The following SYT14 variants were observed in gnomAD, a reference collection of about 807,000 sequenced individuals.
SYT14 encodes the protein synaptotagmin-14.
SYT14 carries 32 observed loss-of-function variants against 74.2 expected under a neutral mutation model. The ratio of observed to expected loss-of-function variants is 0.43; its 90% CI spans 0.33 to 0.58. The LOEUF (loss-of-function observed/expected upper bound fraction) is 0.58, where lower values mean the gene tolerates loss of function less well. Ranked by LOEUF, SYT14 falls within the 20% of genes least tolerant of loss-of-function variation. The pLI is 0.05. For synonymous variants in SYT14, 298 were observed against 337.7 expected, an observed-to-expected ratio of 0.88 and a Z score of 1.29; for missense variants, 791 against 981.8, an observed-to-expected ratio of 0.81 and a Z score of 2.60.
chr1:210,052,150 A>G (rs1279369162), intron 5 of SYT14, among the ~76,000 whole-genome samples: 1 of 152,106 alleles, frequency 6.6e-6, no homozygotes, highest in Non-Finnish European at 1.5e-5. Context: ...TTTGGATTCT[A>G]ATTATAGAAT....
At chr1:210,140,359 C>T (rs2082889547) in intron 7 of SYT14, among the ~76,000 whole-genome samples, 1 of 151,918 alleles carries the variant, frequency 6.6e-6, no homozygotes, top group Non-Finnish European at 1.5e-5. Flanking sequence ...AATCCTTTGC[C>T]TTTGTCTCTT....
In SYT14 at chr1:210,155,913, G is replaced by A; in HGVS notation, c.2224+3G>A. 1 of 1,613,938 alleles carries A rather than the reference G, an allele frequency of 6.2e-7. No homozygotes were observed. The highest frequency in any genetic ancestry group is 1.1e-5 in the South Asian group (1 of 91,062). ...TTTGGCAGCAAACAGACCACCCAGT[G>A]AGTGAAAAATAATTTTTTTAATTCT... On this transcript the variant is annotated splice_donor_region_variant and intron_variant, in intron 8 of 9. Transcript: ENST00000637265.
intron 2 of SYT14, among the ~76,000 whole-genome samples, 196 bp from the exon 3 acceptor site, chr1:210,013,437 G>A (rs2080123892): frequency 6.6e-6 from 1 of 152,162 alleles, no homozygotes; most frequent in Non-Finnish European, 1.5e-5. Flanking sequence ...TTGAATGAAT[G>A]CTGCTGAATG....
At chr1:209,963,972 A>AT (rs2079114876) in intron 2 of SYT14, among the ~76,000 whole-genome samples, 1 of 152,124 alleles carries the variant, frequency 6.6e-6, no homozygotes, top group African/African-American at 2.4e-5. Flanking sequence ...TTCCCTGACA[A>AT]TTTGCAATAC....
At chr1:210,150,040 C>G (rs1450544075) in intron 7 of SYT14, among the ~76,000 whole-genome samples, 1 of 152,136 alleles carries the variant, frequency 6.6e-6, no homozygotes, top group Admixed American at 6.5e-5. Context: ...TATGCTGAAG[C>G]GGACTTTATT....
chr1:210,003,608 C>T (rs1353900882), intron 2 of SYT14, among the ~76,000 whole-genome samples: 1 of 151,924 alleles, frequency 6.6e-6, no homozygotes, highest in Admixed American at 6.6e-5. Context: ...CCCTCTAGGC[C>T]CTGAAAAAAG....
intron 7 of SYT14, among the ~76,000 whole-genome samples, chr1:210,138,642 T>A (rs762120211): frequency 2.0e-5 from 3 of 152,212 alleles, no homozygotes; most frequent in Non-Finnish European, 2.9e-5. Flanking sequence ...TAATACTAAA[T>A]TCATACATCA....
intron 5 of SYT14, among the ~76,000 whole-genome samples, chr1:210,049,004 C>G (rs2080938466): frequency 6.6e-6 from 1 of 152,234 alleles, no homozygotes; most frequent in Admixed American, 6.5e-5. Flanking sequence ...CTCCATGTCT[C>G]GCATCTGGGT....
At chr1:209,989,705 A>G (rs1466937529) in intron 2 of SYT14, among the ~76,000 whole-genome samples, 1 of 152,134 alleles carries the variant, frequency 6.6e-6, no homozygotes, top group African/African-American at 2.4e-5. Flanking sequence ...CTTTTTGAGC[A>G]TGTCAGGGGA....
chr1:209,978,341 T>G, intron 2 of SYT14, among the ~76,000 whole-genome samples: 1 of 152,220 alleles, frequency 6.6e-6, no homozygotes, highest in African/African-American at 2.4e-5. Context: ...TGGTTTTATC[T>G]ACCTTTGGTC....
chr1:209,941,620 C>G (rs1389691099), intron 1 of SYT14, among the ~76,000 whole-genome samples: 1 of 152,134 alleles, frequency 6.6e-6, no homozygotes, highest in East Asian at 1.9e-4. Flanking sequence ...CATTCTTGAC[C>G]CTGTTGCCAT....
chr1:210,016,869 C>T (rs560609539), exon 4 of SYT14: 7 of 1,231,692 alleles, frequency 5.7e-6, no homozygotes, highest in African/African-American at 4.7e-5. Context: ...GATATTTTGA[C>T]AAGCAATAGG....
intron 2 of SYT14, among the ~76,000 whole-genome samples, chr1:209,981,555 G>T (rs1461844267): frequency 6.8e-6 from 1 of 146,606 alleles, no homozygotes; most frequent in Non-Finnish European, 1.5e-5. Context: ...TGCTTAGGCA[G>T]TCCTCCCACC....
intron 1 of SYT14, among the ~76,000 whole-genome samples, chr1:209,939,864 GT>G (rs1433608615): frequency 2.0e-5 from 3 of 152,102 alleles, no homozygotes; most frequent in Non-Finnish European, 4.4e-5. Context: ...AGTTTTTTCC[GT>G]TTTTTCTTAG....
At chr1:210,114,311 G>T (rs1048581447) in intron 7 of SYT14, among the ~76,000 whole-genome samples, 3 of 151,426 alleles carry the variant, frequency 2.0e-5, no homozygotes, top group Non-Finnish European at 4.4e-5. Context: ...AGGAACGCCT[G>T]ACCACTGTGG....
intron 2 of SYT14, among the ~76,000 whole-genome samples, chr1:210,008,366 A>ATTTTTT (rs11382937): frequency 6.7e-6 from 1 of 149,902 alleles, no homozygotes; most frequent in African/African-American, 2.5e-5. Context: ...TTTAAATAGA[A>ATTTTTT]TTTTTTTTTT....
At chr1:210,136,345 T>C (rs2082786026) in intron 7 of SYT14, among the ~76,000 whole-genome samples, 1 of 152,092 alleles carries the variant, frequency 6.6e-6, no homozygotes, top group Admixed American at 6.6e-5. Context: ...GGTCAGTGAT[T>C]TTAGGAGAAT....
intron 2 of SYT14, among the ~76,000 whole-genome samples, chr1:210,009,492 AGT>A (rs1168243324): frequency 6.6e-6 from 1 of 151,938 alleles, no homozygotes; most frequent in East Asian, 1.9e-4. Context: ...ACCTTTTCCT[AGT>A]GGGGAAAGCT....
intron 5 of SYT14, among the ~76,000 whole-genome samples, chr1:210,084,823 T>C (rs965539480): frequency 6.6e-6 from 1 of 152,240 alleles, no homozygotes; most frequent in Non-Finnish European, 1.5e-5. Context: ...CATCTTCTAA[T>C]TAAGTTTATG....
Sources: gnomAD v4.1 joint callset for allele counts (sites outside exome capture counted in the v4.1 genomes callset) on GRCh38, gnomAD v4.1.1 for gene constraint, MANE v1.5 for transcripts, NCBI Gene and HGNC (gene_info 2026-07-23, HGNC 2026-07-21) for gene names.